MAGI1: variants seen among roughly 807,000 people sequenced by gnomAD.
The protein encoded by MAGI1 is membrane associated guanylate kinase, WW and PDZ domain containing 1, also known as membrane-associated guanylate kinase, WW and PDZ domain-containing protein 1.
A neutral mutation model predicts 139.9 loss-of-function variants in MAGI1; 58 were observed. The observed-to-expected ratio is 0.41, with a 90% CI of 0.34 to 0.52. The LOEUF (loss-of-function observed/expected upper bound fraction) is 0.52, where lower values mean the gene tolerates loss of function less well. Ranked by LOEUF, MAGI1 falls within the 20% of genes least tolerant of loss-of-function variation. MAGI1 has a pLI of 0.12. For missense variants in MAGI1, 1,874 were observed against 1,901.6 expected (o/e 0.99, Z 0.27); for synonymous variants, 812 against 737.9 (o/e 1.10, Z -1.63).
At chr3:65,840,057 G>A (rs2058753792) in intron 1 of MAGI1, among the ~76,000 whole-genome samples, 1 of 151,964 alleles carries the variant, frequency 6.6e-6, no homozygotes, top group Non-Finnish European at 1.5e-5. Context: ...CAGTATCCAT[G>A]TGGTCATTGC....
At chr3:65,626,475 C>T (rs967900980) in intron 1 of MAGI1, among the ~76,000 whole-genome samples, 3 of 152,210 alleles carry the variant, frequency 2.0e-5, no homozygotes, top group Admixed American at 6.5e-5. Context: ...CAGGCATGCA[C>T]CATTATGTTC....
At chr3:65,636,058 T>G (rs2084597612) in intron 1 of MAGI1, among the ~76,000 whole-genome samples, 1 of 152,180 alleles carries the variant, frequency 6.6e-6, no homozygotes, top group African/African-American at 2.4e-5. Flanking sequence ...TCTCTTTAAA[T>G]AGTTTCAAAT....
Position 65,368,110 on chromosome 3 carries a change from G to A in MAGI1, c.3197-3164C>T, listed in dbSNP as rs536136706. Among the ~76,000 whole-genome samples the A allele has an allele frequency of 3.9e-5, 6 of 152,174 alleles. No homozygotes were observed. In the South Asian group the frequency reaches 1.2e-3, roughly 32 times the overall value. On this transcript the variant is annotated intron_variant, in intron 18 of 22. Transcript: ENST00000402939. The stretch of plus-strand genomic sequence containing the variant: ...CTAGCGCTTTAAAATATAAAGATGA[G>A]CCCATTATAAAAAAGAGCTTTATCC...
chr3:65,769,505 TA>T (rs1051885659), intron 1 of MAGI1, among the ~76,000 whole-genome samples: 2 of 152,058 alleles, frequency 1.3e-5, no homozygotes, highest in African/African-American at 4.8e-5. Context: ...ATAAAATAAA[TA>T]AAAATAAAGT....
chr3:65,357,206 C>T (rs1575588813), intron 22 of MAGI1, 74 bp from the exon 23 acceptor site: 1 of 1,440,118 alleles, frequency 6.9e-7, no homozygotes, highest in Non-Finnish European at 9.4e-7. Context: ...CCCACCCACA[C>T]TCGAGACCTC....
chr3:65,993,053 A>G (rs2066263371), intron 1 of MAGI1, among the ~76,000 whole-genome samples: 2 of 151,742 alleles, frequency 1.3e-5, no homozygotes, highest in Admixed American at 6.6e-5. Context: ...GTGGTCTAGA[A>G]CTCCTGTGCT....
chr3:65,377,160 C>T (rs1942616929), intron 17 of MAGI1, among the ~76,000 whole-genome samples: 1 of 152,146 alleles, frequency 6.6e-6, no homozygotes, highest in African/African-American at 2.4e-5. Context: ...GGAAAATGCA[C>T]TTTAATTCCT....
intron 2 of MAGI1, among the ~76,000 whole-genome samples, chr3:65,564,218 G>A (rs1223189315): frequency 6.6e-6 from 1 of 151,762 alleles, no homozygotes; most frequent in African/African-American, 2.4e-5. Flanking sequence ...CAGCTCCCCT[G>A]CCTTAGACAA....
At chr3:65,454,018 C>A (rs1336416550) in intron 5 of MAGI1, among the ~76,000 whole-genome samples, 2 of 152,156 alleles carry the variant, frequency 1.3e-5, no homozygotes, top group African/African-American at 4.8e-5. Context: ...CAGATGGTGA[C>A]TGGGGCCCTG....
At chr3:65,752,088 C>A (rs780801201) in intron 1 of MAGI1, among the ~76,000 whole-genome samples, 7 of 152,118 alleles carry the variant, frequency 4.6e-5, no homozygotes, top group Non-Finnish European at 8.8e-5. Flanking sequence ...GGACTACAGG[C>A]GCAACTCACA....
rs2079462421 is a variant in MAGI1, at chr3:65,545,721, C to T, written c.431-52090G>A. ...AGGCCTCCCTCATGAGCAATCTCTA[C>T]AGGCAGGATGATGCACCATTTATTT... On this transcript the variant is annotated intron_variant, in intron 2 of 22. Coordinates refer to ENST00000402939, the MANE Select transcript of MAGI1 (RefSeq NM_001033057.2). 2.0e-5 allele frequency among the ~76,000 whole-genome samples: 3 copies of T among 152,038 alleles called. No homozygotes were observed. In the South Asian group the frequency reaches 6.2e-4, roughly 32 times the overall value.
rs10527666 is a variant in MAGI1, at chr3:65,795,696, T to TACACACACACACACACACACAC, written c.314-173630_314-173609dup. On this transcript the variant is annotated intron_variant, in intron 1 of 22. Transcript: ENST00000402939. ...GAAACAGAACCATAAGATGATAAGA[T>TACACACACACACACACACACAC]ACACACACACACACACACACACACA... Among the ~76,000 whole-genome samples, 717 of 138,984 alleles carry TACACACACACACACACACACAC rather than the reference T, an allele frequency of 5.2e-3. 10 individuals are homozygous for TACACACACACACACACACACAC. Among genetic ancestry groups the TACACACACACACACACACACAC allele is most frequent in the Admixed American group, 0.013 (177 of 13,382 alleles). 91.2% of individuals were successfully genotyped at this position (138,984 alleles called of 152,430 possible). A position where few individuals can be genotyped will look rare whatever the true frequency, so the allele number is the denominator to read the frequency against.
At chr3:65,745,707 C>T (rs564478489) in intron 1 of MAGI1, among the ~76,000 whole-genome samples, 35 of 152,162 alleles carry the variant, frequency 2.3e-4, no homozygotes, top group South Asian at 1.5e-3. Flanking sequence ...AAGGTGCCTA[C>T]GGCAAGTGGA....
chr3:65,661,620 G>C (rs1014516882), intron 1 of MAGI1, among the ~76,000 whole-genome samples: 13 of 152,050 alleles, frequency 8.5e-5, no homozygotes, highest in African/African-American at 3.1e-4. Context: ...TGAAAACAGA[G>C]GATAAACTTA....
intron 1 of MAGI1, among the ~76,000 whole-genome samples, chr3:65,995,202 C>T (rs993038498): frequency 6.6e-6 from 1 of 152,168 alleles, no homozygotes; most frequent in Non-Finnish European, 1.5e-5. Flanking sequence ...CTGGTGAAGA[C>T]AGACAACAAG....
chr3:65,557,955 C>T (rs1264658087), intron 2 of MAGI1, among the ~76,000 whole-genome samples: 1 of 152,140 alleles, frequency 6.6e-6, no homozygotes, highest in Non-Finnish European at 1.5e-5. Flanking sequence ...CAGTTTCAAT[C>T]TGCAGTATGC....
At chr3:65,822,856 C>T (rs2042021884) in intron 1 of MAGI1, among the ~76,000 whole-genome samples, 1 of 152,134 alleles carries the variant, frequency 6.6e-6, no homozygotes, top group Non-Finnish European at 1.5e-5. Flanking sequence ...CATTTGTGAA[C>T]CATTGCTGAA....
intron 15 of MAGI1, among the ~76,000 whole-genome samples, chr3:65,382,420 A>G (rs1395385059): frequency 6.6e-6 from 1 of 152,210 alleles, no homozygotes; most frequent in Non-Finnish European, 1.5e-5. Context: ...GCTAATTAAA[A>G]TATTAATATT....
At chr3:65,742,405 T>C (rs1559839553) in intron 1 of MAGI1, among the ~76,000 whole-genome samples, 2 of 152,194 alleles carry the variant, frequency 1.3e-5, no homozygotes, top group African/African-American at 2.4e-5. Context: ...TACTTTTTTA[T>C]GTAGAGCAAG....
Sources: gnomAD v4.1 joint callset for allele counts (sites outside exome capture counted in the v4.1 genomes callset) on GRCh38, gnomAD v4.1.1 for gene constraint, MANE v1.5 for transcripts, NCBI Gene and HGNC (gene_info 2026-07-23, HGNC 2026-07-21) for gene names.